SKAP2: variants seen among roughly 807,000 people sequenced by gnomAD.
The protein encoded by SKAP2 is src kinase associated phosphoprotein 2.
A neutral mutation model predicts 54.9 loss-of-function variants in SKAP2; 28 were observed. The ratio of observed to expected loss-of-function variants is 0.51; its 90% CI spans 0.38 to 0.70. SKAP2 has a LOEUF of 0.70. Among genes scored for constraint, SKAP2 ranks in the 30% least tolerant of loss-of-function variants. The probability of loss-of-function intolerance (pLI) is 0.00; values close to 1 mark genes in which losing one functional copy is unlikely to be tolerated. For synonymous variants in SKAP2, 137 were observed against 134.3 expected (o/e 1.02, Z -0.14); for missense variants, 356 against 424.1 (o/e 0.84, Z 1.41).
chr7:26,834,279 A>G (rs1584417321), intron 4 of SKAP2, among the ~76,000 whole-genome samples: 1 of 152,210 alleles, frequency 6.6e-6, no homozygotes, highest in African/African-American at 2.4e-5. Context: ...TCACATCTAA[A>G]AGAACTAGAG....
chr7:26,702,052 C>T (rs1423097079), intron 9 of SKAP2, among the ~76,000 whole-genome samples: 1 of 152,108 alleles, frequency 6.6e-6, no homozygotes, highest in East Asian at 1.9e-4. Flanking sequence ...CCAATTTTTT[C>T]CACAATTAAA....
chr7:26,856,024 T>C (rs1427956257), intron 1 of SKAP2, among the ~76,000 whole-genome samples: 1 of 152,140 alleles, frequency 6.6e-6, no homozygotes, highest in Non-Finnish European at 1.5e-5. Context: ...CAATTAACCA[T>C]TTAAAACCTA....
chr7:26,801,796 A>G (rs945586688), intron 4 of SKAP2, among the ~76,000 whole-genome samples: 4 of 152,190 alleles, frequency 2.6e-5, no homozygotes, highest in African/African-American at 4.8e-5. Context: ...AATTAACTTA[A>G]AGAGGTGAAA....
At chr7:26,722,385 ATTTTT>A (rs35643377) in intron 9 of SKAP2, among the ~76,000 whole-genome samples, 1 of 89,056 alleles carries the variant, frequency 1.1e-5, no homozygotes, top group African/African-American at 4.5e-5. Context: ...ATGCAATGCA[ATTTTT>A]TTTTTTTTTT....
intron 6 of SKAP2, among the ~76,000 whole-genome samples, chr7:26,730,950 C>T (rs2127957949): frequency 6.6e-6 from 1 of 152,136 alleles, no homozygotes; most frequent in African/African-American, 2.4e-5. Flanking sequence ...TCATATACAC[C>T]TGGTAATAAT....
At chr7:26,657,975 G>A in the SKAP2 span, among the ~76,000 whole-genome samples, 1 of 152,102 alleles carries the variant, frequency 6.6e-6, no homozygotes, top group Non-Finnish European at 1.5e-5. Flanking sequence ...AGCTATTGCG[G>A]TCTTCCCAAA....
At chr7:26,697,102 T>C (rs1786910721) in intron 9 of SKAP2, among the ~76,000 whole-genome samples, 1 of 152,210 alleles carries the variant, frequency 6.6e-6, no homozygotes, top group African/African-American at 2.4e-5. Flanking sequence ...TAGAATCTTG[T>C]TCAGTTTCCT....
At chr7:26,702,406 T>C (rs1787049076) in intron 9 of SKAP2, among the ~76,000 whole-genome samples, 1 of 152,168 alleles carries the variant, frequency 6.6e-6, no homozygotes, top group Non-Finnish European at 1.5e-5. Context: ...CTTCCCAAAG[T>C]GCTTGGGGTT....
chr7:26,789,982 T>C (rs1013792006), intron 4 of SKAP2, among the ~76,000 whole-genome samples: 2 of 152,130 alleles, frequency 1.3e-5, no homozygotes, highest in African/African-American at 4.8e-5. Flanking sequence ...GCTGCAATGA[T>C]ATATTACCAG....
At chr7:26,755,697 G>A (rs1275822790) in intron 4 of SKAP2, among the ~76,000 whole-genome samples, 1 of 152,150 alleles carries the variant, frequency 6.6e-6, no homozygotes, top group Non-Finnish European at 1.5e-5. Context: ...TGGGACACAG[G>A]AAGTGTTTGT....
chr7:26,726,801 A>G, intron 7 of SKAP2, 81 bp downstream of exon 7: 1 of 1,110,138 alleles, frequency 9.0e-7, no homozygotes, highest in Non-Finnish European at 1.3e-6. Context: ...CAAGGAAAGT[A>G]TTAATCAAAT....
chr7:26,855,436 A>G (rs1478216623), intron 1 of SKAP2, among the ~76,000 whole-genome samples: 1 of 152,092 alleles, frequency 6.6e-6, no homozygotes, highest in African/African-American at 2.4e-5. Flanking sequence ...TTCCCAAATC[A>G]AGCCCTCCTT....
chr7:26,862,612 A>G (rs1471534667), intron 1 of SKAP2, among the ~76,000 whole-genome samples: 1 of 152,104 alleles, frequency 6.6e-6, no homozygotes, highest in Non-Finnish European at 1.5e-5. Context: ...GGAAGTTAGC[A>G]TTGGCAGATA....
At chr7:26,773,675 A>G (rs1783237791) in intron 4 of SKAP2, among the ~76,000 whole-genome samples, 1 of 152,204 alleles carries the variant, frequency 6.6e-6, no homozygotes, top group Admixed American at 6.5e-5. Context: ...TCAATGAACA[A>G]TAAACATTTA....
At chr7:26,863,422 G>A (rs1018878224) in intron 1 of SKAP2, among the ~76,000 whole-genome samples, 6 of 152,082 alleles carry the variant, frequency 3.9e-5, no homozygotes, top group African/African-American at 1.2e-4. Context: ...GAATTCTGAC[G>A]TACACAAGAC....
At chr7:26,713,236 TGTC>T (rs1031664705) in intron 9 of SKAP2, among the ~76,000 whole-genome samples, 1 of 152,228 alleles carries the variant, frequency 6.6e-6, no homozygotes, top group African/African-American at 2.4e-5. Flanking sequence ...TCAGTTTAAA[TGTC>T]ATCTCTTCTT....
intron 4 of SKAP2, among the ~76,000 whole-genome samples, chr7:26,764,997 T>C (rs776899157): frequency 3.3e-5 from 5 of 152,236 alleles, no homozygotes; most frequent in Non-Finnish European, 7.3e-5. Context: ...ATACACCCAG[T>C]AATGGGATTA....
chr7:26,718,018 T>C (rs1298499565), intron 9 of SKAP2, among the ~76,000 whole-genome samples: 5 of 151,884 alleles, frequency 3.3e-5, no homozygotes, highest in Non-Finnish European at 7.4e-5. Context: ...GGATATTATA[T>C]ATATATACAT....
intron 4 of SKAP2, among the ~76,000 whole-genome samples, chr7:26,776,353 C>G (rs1399356160): frequency 6.6e-6 from 1 of 152,114 alleles, no homozygotes; most frequent in Non-Finnish European, 1.5e-5. Flanking sequence ...AGATCTTTCT[C>G]TTAAATTCCA....
Sources: allele counts gnomAD v4.1 joint callset (sites outside exome capture counted in the v4.1 genomes callset), GRCh38; gene constraint gnomAD v4.1.1; transcripts MANE v1.5; gene names NCBI Gene and HGNC (gene_info 2026-07-23, HGNC 2026-07-21).